The following CD320 variants were observed in gnomAD, a reference collection of about 807,000 sequenced individuals.
CD320 encodes CD320 molecule.
CD320 carries 16 observed loss-of-function variants against 22.1 expected under a neutral mutation model. The observed-to-expected ratio is 0.73, with a 90% CI of 0.49 to 1.10. The LOEUF is 1.10. Ranked by LOEUF, CD320 falls within the 50% of genes least tolerant of loss-of-function variation. The probability of loss-of-function intolerance (pLI) is 0.00; values close to 1 mark genes in which losing one functional copy is unlikely to be tolerated. For missense variants in CD320, 388 were observed against 376.9 expected, an observed-to-expected ratio of 1.03 and a Z score of -0.24; for synonymous variants, 188 against 167.8, an observed-to-expected ratio of 1.12 and a Z score of -0.93.
chr19:8,304,122 C>G (rs1030429024), intron 2 of CD320, 34 bp from the exon 3 acceptor site: 1 of 1,173,962 alleles, frequency 8.5e-7, no homozygotes, highest in Non-Finnish European at 1.2e-6. Flanking sequence ...CCCAAATGCC[C>G]ACCCAAGAAG....
intron 3 of CD320, among the ~76,000 whole-genome samples, 185 bp downstream of exon 3, chr19:8,303,670 C>T (rs1260220624): frequency 6.6e-6 from 1 of 152,168 alleles, no homozygotes; most frequent in Non-Finnish European, 1.5e-5. Flanking sequence ...CCACCTCAGC[C>T]TCCCAAAGTG....
Position 8,304,943 on chromosome 19 carries a change from C to G in CD320, c.268+88G>C. 3.3e-6 allele frequency: 5 copies of G among 1,512,314 alleles called. No individual in the cohort carries two copies. The Admixed American group carries it at 8.4e-5, about 25-fold the overall frequency. The allele number at this position is 1,512,314 out of a possible 1,614,324, so 93.7% of individuals were successfully genotyped here. On this transcript the variant is annotated intron_variant, in intron 2 of 4. Coordinates refer to ENST00000301458, the MANE Select transcript of CD320 (RefSeq NM_016579.4). ...CATCCCTGCGGCCCTGCCTTTCCCACAAGCTCCACCTCCGCGTGCCTGGCC... is the reference window on the plus strand; with the variant it reads ...CATCCCTGCGGCCCTGCCTTTCCCAGAAGCTCCACCTCCGCGTGCCTGGCC...
At chr19:8,305,853 G>A (rs1970082004) in intron 1 of CD320, 1 of 152,320 alleles carries the variant, frequency 6.6e-6, no homozygotes, top group Non-Finnish European at 1.5e-5. Context: ...CTGAGGGACG[G>A]GCCATTTTTC....
chr19:8,307,972 T>C (rs1017699184), intron 1 of CD320, among the ~76,000 whole-genome samples, 177 bp downstream of exon 1: 2 of 152,142 alleles, frequency 1.3e-5, no homozygotes, highest in Admixed American at 1.3e-4. Flanking sequence ...TCCCCCAGCA[T>C]GGGGTCTTCC....
intron 2 of CD320, 192 bp downstream of exon 2, chr19:8,304,839 T>C (rs1375714961): frequency 1.7e-6 from 1 of 590,514 alleles, no homozygotes; most frequent in South Asian, 1.8e-5. Context: ...AGTGCTGGGA[T>C]TGCAGGCGTG....
chr19:8,305,460 C>G (rs541904403), intron 1 of CD320: 48 of 348,752 alleles, frequency 1.4e-4, no homozygotes, highest in African/African-American at 1.0e-3. Context: ...GTAATCTCAG[C>G]ACTTTGGCAG....
chr19:8,307,218 G>T (rs1189653250), intron 1 of CD320, among the ~76,000 whole-genome samples: 1 of 151,822 alleles, frequency 6.6e-6, no homozygotes, highest in Non-Finnish European at 1.5e-5. Context: ...CTTAAACCCG[G>T]GAGGCGGAGG....
chr19:8,304,380 CTG>C lies in CD320; in HGVS notation c.269-294_269-293del, dbSNP rs1970056537. On this transcript the variant is annotated intron_variant, in intron 2 of 4. Transcript: ENST00000301458. The stretch of plus-strand genomic sequence containing the variant: ...TCTTTTGAGACGGGGTCTCCCTTTG[CTG>C]CCCAGGCTGCAGTGCAGTGGCGCAA... Among the ~76,000 whole-genome samples the C allele has an allele frequency of 2.6e-5, 4 of 152,264 alleles. 1 individual carries two copies. In the South Asian group the frequency reaches 8.3e-4, roughly 32 times the overall value.
chr19:8,304,615 T>C (rs1180642781), intron 2 of CD320, among the ~76,000 whole-genome samples: 1 of 152,198 alleles, frequency 6.6e-6, no homozygotes, highest in Non-Finnish European at 1.5e-5. Context: ...AGTGCTGGGA[T>C]TACATGTGTG....
rs1458434482 is a variant in CD320, at chr19:8,302,903, TGA to T, written c.578_579del (p.Leu193GlnfsTer179). ...PPVTLESVTS[L>X]RNATTMGPPV... ...GGGGGCCCCATGGTTGTGGCATTCCTGAGAGAGGTGACACTCTCCAGGGTCAC... is the reference window on the plus strand; with the variant it reads ...GGGGGCCCCATGGTTGTGGCATTCCTGAGAGGTGACACTCTCCAGGGTCAC... On this transcript the variant is annotated frameshift_variant, in exon 4 of 5. Coordinates refer to ENST00000301458, the MANE Select transcript of CD320 (RefSeq NM_016579.4). LOFTEE classifies it high-confidence loss of function. 3 of 1,613,222 alleles carry T rather than the reference TGA, an allele frequency of 1.9e-6. No individual in the cohort carries two copies. The highest frequency in any genetic ancestry group is 2.7e-5 in the African/African-American group (2 of 74,700).
chr19:8,308,079 G>A (rs1970120853), intron 1 of CD320, 70 bp downstream of exon 1: 3 of 1,383,094 alleles, frequency 2.2e-6, no homozygotes, highest in African/African-American at 1.5e-5. Flanking sequence ...GTGACTAGGC[G>A]TTGTCGGTGC....
chr19:8,305,317 T>A, intron 1 of CD320, 161 bp from the exon 2 acceptor site: 1 of 822,004 alleles, frequency 1.2e-6, no homozygotes, highest in Non-Finnish European at 1.9e-6. Flanking sequence ...ACGAGTGGGG[T>A]TCAGAGTGTA....
At chr19:8,304,890 C>T in intron 2 of CD320, 141 bp downstream of exon 2, 1 of 958,244 alleles carries the variant, frequency 1.0e-6, no homozygotes, top group Middle Eastern at 3.2e-4. Context: ...GACCCCGCTT[C>T]TTATGACCCA....
intron 3 of CD320, 95 bp from the exon 4 acceptor site, chr19:8,303,075 C>G: frequency 8.5e-6 from 8 of 945,710 alleles, no homozygotes. Flanking sequence ...TTATCCTCAA[C>G]CAACCAGGCT....
In CD320 at chr19:8,305,095, C is replaced by T. The variant is rs1276636310; in HGVS notation, c.204G>A (p.Val68=). The T allele has an allele frequency of 1.9e-6, 3 of 1,612,994 alleles. No individual in the cohort carries two copies. In the African/African-American group the frequency reaches 4.0e-5, roughly 22 times the overall value. Residue 68 remains valine (V), a synonymous_variant, in exon 2 of 5, where the codon GTG becomes GTA. Transcript: ENST00000301458. ...CCCTGTCGCAGCGCCAGGTGAGGGG[C>T]ACGCATAAGCCACTGGTGCGGCACT... ...KFQCRTSGLC[V]PLTWRCDRDL...
intron 1 of CD320, among the ~76,000 whole-genome samples, chr19:8,307,804 G>A (rs1362783012): frequency 6.6e-6 from 1 of 152,278 alleles, no homozygotes; most frequent in Non-Finnish European, 1.5e-5. Context: ...GTGATTAGCG[G>A]TCGGACAATC....
chr19:8,303,104 G>T, intron 3 of CD320, 124 bp from the exon 4 acceptor site: 2 of 589,536 alleles, frequency 3.4e-6, no homozygotes, highest in South Asian at 2.0e-5. Flanking sequence ...CTGACTGCCC[G>T]TAATTATGTC....
chr19:8,303,859 G>A lies in CD320; in HGVS notation c.498C>T (p.Gly166=). 1 of 1,593,024 alleles carries A rather than the reference G, an allele frequency of 6.3e-7. No homozygotes were observed. Among genetic ancestry groups the A allele is most frequent in the Non-Finnish European group, 8.5e-7 (1 of 1,170,050 alleles). ...CCCAGCCCCGCAGGTGCATACCACA[G>A]CCGAGCTCGTCGCTGGAGTCGGGAC... ...PDCPDSSDEL[G]CGTNEILPEG... is the part of the protein sequence containing the mutation. Residue 166 remains glycine (G), a synonymous_variant, in exon 3 of 5, where the codon GGC becomes GGT. Transcript: ENST00000301458.
chr19:8,302,961 C>T lies in CD320; in HGVS notation c.522G>A (p.Pro174=), dbSNP rs79658260. The T allele has an allele frequency of 6.2e-6, 10 of 1,613,788 alleles. No individual in the cohort carries two copies. Among genetic ancestry groups the T allele is most frequent in the Admixed American group, 1.7e-5 (1 of 59,958 alleles). ...ELGCGTNEIL[P]EGDATTMGPP... is the part of the protein sequence containing the mutation. ...GCCCCATGGTTGTGGCATCCCCTTC[C>T]GGGAGGATCTCATTGGTTCCTGCAA... Residue 174 remains proline, a synonymous_variant, in exon 4 of 5, where the codon CCG becomes CCA. Coordinates refer to ENST00000301458, the MANE Select transcript of CD320 (RefSeq NM_016579.4).
Sources: gnomAD v4.1 joint callset for allele counts (sites outside exome capture counted in the v4.1 genomes callset) on GRCh38, gnomAD v4.1.1 for gene constraint, MANE v1.5 for transcripts, NCBI Gene and HGNC (gene_info 2026-07-23, HGNC 2026-07-21) for gene names.